PAX3: variants seen among roughly 807,000 people sequenced by gnomAD.
The protein encoded by PAX3 is paired box 3, also known as paired box protein Pax-3.
A neutral mutation model predicts 51.6 loss-of-function variants in PAX3; 14 were observed. The observed-to-expected ratio is 0.27, with a 90% CI of 0.18 to 0.42. PAX3 has a LOEUF of 0.42. PAX3 is among the 10% of genes least tolerant of loss of function. The pLI, the probability that PAX3 is intolerant of heterozygous loss-of-function variation, is 1.00. For missense variants in PAX3, 540 were observed against 642.8 expected (o/e 0.84, Z 1.73); for synonymous variants, 280 against 253.4 (o/e 1.11, Z -1.00).
At chr2:222,251,424 G>A (rs1324990371) in intron 4 of PAX3, among the ~76,000 whole-genome samples, 1 of 152,126 alleles carries the variant, frequency 6.6e-6, no homozygotes, top group Non-Finnish European at 1.5e-5. Flanking sequence ...TCCCTACAAA[G>A]GACATGAACT....
chr2:222,234,059 T>C (rs1692708750), intron 4 of PAX3, among the ~76,000 whole-genome samples: 1 of 152,172 alleles, frequency 6.6e-6, no homozygotes, highest in Non-Finnish European at 1.5e-5. Flanking sequence ...CTGCCCCAAA[T>C]GGTACACATC....
chr2:222,217,603 T>A (rs1334491319), intron 7 of PAX3, among the ~76,000 whole-genome samples: 1 of 118,024 alleles, frequency 8.5e-6, no homozygotes, highest in Non-Finnish European at 1.7e-5. Context: ...GGAGAAATGG[T>A]AATCATAACG....
chr2:222,265,609 C>A (rs1451535219), intron 4 of PAX3, among the ~76,000 whole-genome samples: 1 of 132,196 alleles, frequency 7.6e-6, no homozygotes, highest in East Asian at 2.3e-4. Context: ...GCCGAGATCA[C>A]GCCACTGGGC....
At chr2:222,247,416 A>C (rs1436782288) in intron 4 of PAX3, among the ~76,000 whole-genome samples, 1 of 152,186 alleles carries the variant, frequency 6.6e-6, no homozygotes, top group African/African-American at 2.4e-5. Flanking sequence ...AGAGACGTTC[A>C]TGTTTTGTGC....
intron 5 of PAX3, 97 bp from the exon 6 acceptor site, chr2:222,221,484 T>G: frequency 8.8e-7 from 1 of 1,132,896 alleles, no homozygotes; most frequent in South Asian, 1.2e-5. Flanking sequence ...GGCTTCTTAC[T>G]GAAAGGGCAA....
At chr2:222,296,912 G>T (rs1407787309) in intron 2 of PAX3, 66 bp downstream of exon 2, 11 of 1,345,598 alleles carry the variant, frequency 8.2e-6, no homozygotes, top group South Asian at 2.5e-5. Context: ...GTTACCCCCC[G>T]CCCGGTCTTC....
chr2:222,227,194 T>C (rs1239117981), intron 5 of PAX3, among the ~76,000 whole-genome samples: 2 of 152,190 alleles, frequency 1.3e-5, no homozygotes, highest in African/African-American at 4.8e-5. Context: ...CTATTTCCCC[T>C]AGTAACTTGT....
chr2:222,237,326 GCA>G (rs3075849), intron 4 of PAX3, among the ~76,000 whole-genome samples: 29,295 of 146,360 alleles, frequency 0.2, 2,969 homozygotes, highest in South Asian at 0.27. Flanking sequence ...TTTATCACAT[GCA>G]CACACACACA....
Position 222,215,776 on chromosome 2 carries a change from C to A in PAX3, c.1173+4364G>T, listed in dbSNP as rs190493117. 7.2e-5 allele frequency among the ~76,000 whole-genome samples: 11 copies of A among 152,150 alleles called. No homozygotes were observed. In the East Asian group the frequency reaches 2.1e-3, roughly 29 times the overall value. On this transcript the variant is annotated intron_variant, in intron 7 of 8. Coordinates refer to ENST00000392070, the MANE Select transcript of PAX3 (RefSeq NM_181458.4). ...TGGGGATGGAGGGGAAATAAATGGT[C>A]TGTATTACCCCATGCACTATATTTT...
intron 4 of PAX3, among the ~76,000 whole-genome samples, chr2:222,282,857 A>C (rs1694694149): frequency 6.6e-6 from 1 of 152,246 alleles, no homozygotes; most frequent in Non-Finnish European, 1.5e-5. Flanking sequence ...AATGTCCAGA[A>C]GGTAGTCATT....
rs1421885898 is a variant in PAX3, at chr2:222,298,513, G to C, written c.85+18C>G. 4.4e-6 allele frequency: 7 copies of C among 1,584,778 alleles called. No homozygotes were observed. In the Admixed American group the frequency reaches 1.2e-4, roughly 28 times the overall value. On this transcript the variant is annotated intron_variant, in intron 1 of 8. Coordinates refer to ENST00000392070, the MANE Select transcript of PAX3 (RefSeq NM_181458.4). ...CCAGGCCCTGGGATCCAGGCGGCGCGCTGAGGCCCTCCCTTACCTTCCAGC... is the reference window on the plus strand; with the variant it reads ...CCAGGCCCTGGGATCCAGGCGGCGCCCTGAGGCCCTCCCTTACCTTCCAGC...
At chr2:222,282,717 G>A (rs576718636) in intron 4 of PAX3, among the ~76,000 whole-genome samples, 114 of 152,160 alleles carry the variant, frequency 7.5e-4, no homozygotes, top group African/African-American at 2.6e-3. Flanking sequence ...ACTTTTGATC[G>A]TGCCAAACTT....
intron 4 of PAX3, chr2:222,287,234 T>C (rs1370797080): frequency 6.6e-6 from 1 of 152,216 alleles, no homozygotes; most frequent in African/African-American, 2.4e-5. Flanking sequence ...AGGGGATTAG[T>C]CTTTTCAATA....
At chr2:222,241,416 A>G (rs952961642) in intron 4 of PAX3, among the ~76,000 whole-genome samples, 10 of 152,224 alleles carry the variant, frequency 6.6e-5, no homozygotes, top group African/African-American at 1.9e-4. Flanking sequence ...TTATTTGCCA[A>G]TCAGAGTAGG....
At chr2:222,270,672 A>C (rs965033063) in intron 4 of PAX3, among the ~76,000 whole-genome samples, 2 of 152,174 alleles carry the variant, frequency 1.3e-5, no homozygotes, top group African/African-American at 4.8e-5. Context: ...CTTCCAGAGA[A>C]ACTCCTTCCT....
chr2:222,200,614 C>T lies in PAX3; in HGVS notation c.*794G>A, dbSNP rs961990021. The T allele has an allele frequency of 4.0e-6, 1 of 249,076 alleles. No homozygotes were observed. Among genetic ancestry groups the T allele is most frequent in the Non-Finnish European group, 7.9e-6 (1 of 126,698 alleles). The allele number at this position is 249,076 out of a possible 1,614,324, so 15.4% of individuals were successfully genotyped here. Reference sequence around the variant, plus strand: ...TATGTGAATGCATGTCACTTTCTCTCCACCGTGCCCTTCCTCCAACCCAGG... The same window carrying T: ...TATGTGAATGCATGTCACTTTCTCTTCACCGTGCCCTTCCTCCAACCCAGG... On this transcript the variant is annotated 3_prime_UTR_variant, in exon 9 of 9. Transcript: ENST00000392070.
rs75129267 is a variant in PAX3, at chr2:222,218,806, A to AT, written c.1173+1333dup. On this transcript the variant is annotated intron_variant, in intron 7 of 8. Transcript: ENST00000392070. ...AGCTGAGGTTTAAAGCCACCTCATA[A>AT]TTTTTTTTTTATCCCAGGATGTGCT... 1.5e-4 allele frequency among the ~76,000 whole-genome samples: 23 copies of AT among 150,728 alleles called. 1 individual carries two copies. The highest frequency in any genetic ancestry group is 8.4e-4 in the South Asian group (4 of 4,746).
chr2:222,272,457 G>A (rs186109864), intron 4 of PAX3, among the ~76,000 whole-genome samples: 21 of 152,260 alleles, frequency 1.4e-4, no homozygotes, highest in Non-Finnish European at 1.9e-4. Context: ...GCATAATTTT[G>A]GGGAAGACTT....
At chr2:222,205,642 T>C (rs896100104) in intron 7 of PAX3, among the ~76,000 whole-genome samples, 1 of 152,208 alleles carries the variant, frequency 6.6e-6, no homozygotes, top group Non-Finnish European at 1.5e-5. Context: ...TGTGATTTAT[T>C]TCAATATTTC....
Sources: allele counts gnomAD v4.1 joint callset (sites outside exome capture counted in the v4.1 genomes callset), GRCh38; gene constraint gnomAD v4.1.1; transcripts MANE v1.5; gene names NCBI Gene and HGNC (gene_info 2026-07-23, HGNC 2026-07-21).